Variants in ARFGEF1 observed in about 807,000 individuals in gnomAD.
The protein encoded by ARFGEF1 is ARF guanine nucleotide exchange factor 1, also known as brefeldin A-inhibited guanine nucleotide-exchange protein 1.
In ARFGEF1, 42 loss-of-function variants were observed where a neutral mutation model predicts 231.0. The ratio of observed to expected loss-of-function variants is 0.18; its 90% confidence interval spans 0.14 to 0.24. The LOEUF is 0.24. ARFGEF1 is among the 10% of genes least tolerant of loss of function. The pLI is 1.00. For missense variants in ARFGEF1, 1,345 were observed against 2,192.0 expected, an observed-to-expected ratio of 0.61 and a Z score of 7.72; for synonymous variants, 710 against 732.3, an observed-to-expected ratio of 0.97 and a Z score of 0.49.
At chr8:67,258,818 TACACACACACAC>T (rs10576509) in intron 15 of ARFGEF1, among the ~76,000 whole-genome samples, 87 of 143,038 alleles carry the variant, frequency 6.1e-4, no homozygotes, top group African/African-American at 2.0e-3. Context: ...AAGCAGATTT[TACACACACACAC>T]ACACACACAC....
chr8:67,219,331 T>C, intron 30 of ARFGEF1, 100 bp downstream of exon 30: 14 of 1,382,482 alleles, frequency 1.0e-5, no homozygotes, highest in Non-Finnish European at 1.2e-5. Context: ...TTTCTAGGAA[T>C]TCTTTTCTGT....
chr8:67,227,466 G>A lies in ARFGEF1; in HGVS notation c.3724C>T (p.His1242Tyr). Residue 1242 changes from histidine to tyrosine, a missense_variant, in exon 26 of 39, where the codon CAT (histidine) becomes TAT (tyrosine). By Grantham distance (83) the His-to-Tyr change is moderately conservative. Around this residue, in one of 14 missense-constraint regions of ARFGEF1, gnomAD observed 142 missense variants for 227.3 expected, o/e 0.62. Transcript: ENST00000262215. ...TAGTACCTGTTCCGTTTCATTATAT[G>A]TTCAAAAGGTCTTAAGAAATCCTTC... ...FQKDFLRPFE[H>Y]IMKRNRSPTI... 1 of 1,612,746 alleles carries A rather than the reference G, an allele frequency of 6.2e-7. No individual in the cohort carries two copies. The highest frequency in any genetic ancestry group is 1.1e-5 in the South Asian group (1 of 91,002).
downstream of ARFGEF1, chr8:67,195,351 A>G (rs1448583456): frequency 1.3e-6 from 2 of 1,491,446 alleles, no homozygotes; most frequent in East Asian, 4.5e-5. Flanking sequence ...CACCTGTGTT[A>G]CCTGAGCCAC....
intron 34 of ARFGEF1, among the ~76,000 whole-genome samples, chr8:67,205,192 G>T (rs1378167035): frequency 6.6e-6 from 1 of 152,072 alleles, no homozygotes; most frequent in Non-Finnish European, 1.5e-5. Flanking sequence ...AACAGGGATT[G>T]TAAGTCGCCC....
At position 67,234,427 on chromosome 8, in the gene ARFGEF1, T is replaced by C. The variant is rs565818448; in HGVS notation, c.3290-1482A>G. ...AAAGGCTTCACATATGATGAAATAT[T>C]AATTCAACCTGGACCTAGAAGGGTA... On this transcript the variant is annotated intron_variant, in intron 22 of 38. Transcript: ENST00000262215. 2.5e-3 allele frequency among the ~76,000 whole-genome samples: 382 copies of C among 152,246 alleles called. 1 individual carries two copies. Among genetic ancestry groups the C allele is most frequent in the African/African-American group, 9.0e-3 (372 of 41,558 alleles).
intron 1 of ARFGEF1, among the ~76,000 whole-genome samples, chr8:67,342,218 C>A (rs1808663590): frequency 6.6e-6 from 1 of 152,194 alleles, no homozygotes; most frequent in Non-Finnish European, 1.5e-5. Context: ...TCTGGTCTCT[C>A]AAACGATTTC....
rs891244883 is a variant in ARFGEF1, at chr8:67,251,154, C to T, written c.2850+145G>A. ...ATAGAAAATTTGTATCTACTATGTCCTAAATAACATGTTATATGAATTTCA... is the reference window on the plus strand; with the variant it reads ...ATAGAAAATTTGTATCTACTATGTCTTAAATAACATGTTATATGAATTTCA... On this transcript the variant is annotated intron_variant, in intron 19 of 38. Transcript: ENST00000262215. 7 of 745,570 alleles carry T rather than the reference C, an allele frequency of 9.4e-6. No homozygotes were observed. In the African/African-American group the frequency reaches 1.3e-4, roughly 14 times the overall value. 46.2% of individuals were successfully genotyped at this position (745,570 alleles called of 1,614,324 possible).
chr8:67,218,615 G>A (rs1162257696), intron 30 of ARFGEF1, among the ~76,000 whole-genome samples: 1 of 151,684 alleles, frequency 6.6e-6, no homozygotes, highest in Admixed American at 6.6e-5. Context: ...ATAAAAAAAG[G>A]GCTATACAAC....
intron 10 of ARFGEF1, among the ~76,000 whole-genome samples, chr8:67,271,072 G>GTACACT (rs1805077743): frequency 6.8e-6 from 1 of 146,502 alleles, no homozygotes; most frequent in South Asian, 2.2e-4. Flanking sequence ...AAAGAAACTG[G>GTACACT]TACACTTGCA....
chr8:67,222,136 G>A (rs967824808), intron 29 of ARFGEF1, among the ~76,000 whole-genome samples: 12 of 143,650 alleles, frequency 8.4e-5, no homozygotes, highest in Non-Finnish European at 1.2e-4. Flanking sequence ...TATCTTTTAT[G>A]CCATGTTTTT....
At position 67,343,579 on chromosome 8, in the gene ARFGEF1, C is replaced by G. The variant is rs569662659; in HGVS notation, c.-292G>C. The stretch of plus-strand genomic sequence containing the variant: ...GGTCGCGTCCCGGCCGCCCCTCTCA[C>G]TCGTCCCTCCGGCCCTGGTGGCGGT... On this transcript the variant is annotated 5_prime_UTR_variant, in exon 1 of 39. Transcript: ENST00000262215. 934 of 1,109,404 alleles carry G rather than the reference C, an allele frequency of 8.4e-4. 2 individuals are homozygous for G. Among genetic ancestry groups the G allele is most frequent in the Non-Finnish European group, 9.9e-4 (896 of 909,020 alleles). The allele number at this position is 1,109,404 out of a possible 1,614,324, so 68.7% of individuals were successfully genotyped here.
In ARFGEF1 at chr8:67,218,203, AAAAAATATATAT is replaced by A. The variant is rs1246782989; in HGVS notation, c.4339-77_4339-66del. The A allele has an allele frequency of 4.0e-3, 676 of 167,076 alleles. 30 individuals carry two copies. The highest frequency in any genetic ancestry group is 0.038 in the African/African-American group (625 of 16,428). 10.3% of individuals were successfully genotyped at this position (167,076 alleles called of 1,614,324 possible). On this transcript the variant is annotated intron_variant, in intron 30 of 38. Transcript: ENST00000262215. ...CAACTACTATGATTAAAAAAAAAAAAAAAAATATATATATATATATATATATATATAAATGTT... is the reference window on the plus strand; with the variant it reads ...CAACTACTATGATTAAAAAAAAAAAAATATATATATATATATATAAATGTT...
chr8:67,327,276 T>G (rs898393287), intron 1 of ARFGEF1, among the ~76,000 whole-genome samples: 1 of 152,012 alleles, frequency 6.6e-6, no homozygotes, highest in African/African-American at 2.4e-5. Context: ...TTTGCATTTG[T>G]AGAAGTTCTT....
chr8:67,229,072 A>G (rs1839474138), intron 23 of ARFGEF1, among the ~76,000 whole-genome samples: 1 of 152,076 alleles, frequency 6.6e-6, no homozygotes, highest in Admixed American at 6.6e-5. Context: ...AGTAACAGTA[A>G]TAGCTACCAA....
At chr8:67,283,958 C>T (rs1437002951) in intron 7 of ARFGEF1, among the ~76,000 whole-genome samples, 2 of 152,072 alleles carry the variant, frequency 1.3e-5, no homozygotes, top group Non-Finnish European at 2.9e-5. Context: ...ACCACTTGAC[C>T]CAATAATCTC....
intron 1 of ARFGEF1, among the ~76,000 whole-genome samples, chr8:67,305,193 G>A (rs979513143): frequency 3.3e-5 from 5 of 152,086 alleles, no homozygotes; most frequent in African/African-American, 1.2e-4. Context: ...CTAACTACTA[G>A]ATAATAAAGG....
intron 1 of ARFGEF1, among the ~76,000 whole-genome samples, chr8:67,327,300 A>G (rs1180049867): frequency 4.0e-5 from 6 of 148,680 alleles, no homozygotes; most frequent in Non-Finnish European, 5.9e-5. Context: ...AAGCATACAG[A>G]CTCCTCGATG....
chr8:67,213,643 G>C (rs768057011), intron 33 of ARFGEF1, among the ~76,000 whole-genome samples: 3 of 152,210 alleles, frequency 2.0e-5, no homozygotes, highest in Non-Finnish European at 2.9e-5. Flanking sequence ...TCAGCTGAAG[G>C]TATTTTATAC....
intron 1 of ARFGEF1, among the ~76,000 whole-genome samples, chr8:67,317,234 A>G (rs1316930102): frequency 6.6e-6 from 1 of 152,176 alleles, no homozygotes; most frequent in African/African-American, 2.4e-5. Context: ...ATCCTGAAAT[A>G]GCACTTTCCT....
Sources: allele counts gnomAD v4.1 joint callset (sites outside exome capture counted in the v4.1 genomes callset), GRCh38; gene constraint gnomAD v4.1.1; regional missense constraint gnomAD v4.1.1; transcripts MANE v1.5; gene names NCBI Gene and HGNC (gene_info 2026-07-23, HGNC 2026-07-21).